IGF1R: variants seen among roughly 807,000 people sequenced by gnomAD.
IGF1R encodes insulin-like growth factor 1 receptor.
In IGF1R, 44 loss-of-function variants were observed where a neutral mutation model predicts 144.6. The observed-to-expected ratio is 0.30, with a 90% CI of 0.24 to 0.39. The LOEUF is 0.39. Ranked by LOEUF, IGF1R falls within the 10% of genes least tolerant of loss-of-function variation. IGF1R has a pLI of 1.00. For synonymous variants in IGF1R, 795 were observed against 722.8 expected, an observed-to-expected ratio of 1.10 and a Z score of -1.60; for missense variants, 1,355 against 1,833.7, an observed-to-expected ratio of 0.74 and a Z score of 4.77.
intron 2 of IGF1R, among the ~76,000 whole-genome samples, chr15:98,798,948 CTG>C (rs1278318667): frequency 6.6e-6 from 1 of 152,130 alleles, no homozygotes; most frequent in Admixed American, 6.5e-5. Context: ...AATGAAGAAA[CTG>C]AGGCACAGAG....
intron 3 of IGF1R, among the ~76,000 whole-genome samples, chr15:98,892,511 A>C (rs4966037): frequency 0.2 from 27,025 of 134,042 alleles, 3,410 homozygotes; most frequent in East Asian, 0.43. Flanking sequence ...TGGGAGACAG[A>C]GTCTCACTCT....
chr15:98,744,738 C>A (rs1326359585), intron 2 of IGF1R, among the ~76,000 whole-genome samples: 3 of 151,426 alleles, frequency 2.0e-5, no homozygotes, highest in Non-Finnish European at 2.9e-5. Context: ...GCCCCTTAAA[C>A]ATGACGGTAA....
intron 3 of IGF1R, among the ~76,000 whole-genome samples, chr15:98,893,745 T>C (rs564576168): frequency 3.3e-5 from 5 of 152,342 alleles, no homozygotes; most frequent in African/African-American, 1.2e-4. Flanking sequence ...CAGTGTTGTT[T>C]CTTCCGCTCT....
intron 4 of IGF1R, 71 bp downstream of exon 4, chr15:98,896,976 C>T: frequency 1.4e-6 from 2 of 1,481,330 alleles, no homozygotes; most frequent in Middle Eastern, 1.7e-4. Context: ...TTTCATGCTC[C>T]CGTCCCTGAG....
intron 2 of IGF1R, among the ~76,000 whole-genome samples, chr15:98,862,832 C>G (rs914706402): frequency 1.3e-5 from 2 of 152,184 alleles, no homozygotes; most frequent in Non-Finnish European, 2.9e-5. Flanking sequence ...TAATTTCAGA[C>G]TTGCATAAAG....
intron 2 of IGF1R, among the ~76,000 whole-genome samples, chr15:98,738,184 G>A (rs543295598): frequency 3.0e-4 from 45 of 152,288 alleles, no homozygotes; most frequent in African/African-American, 1.0e-3. Context: ...GGTAAAACAT[G>A]GTTTATTCTA....
rs2016650727 is a variant in IGF1R, at chr15:98,948,672, G to A, written c.3686G>A (p.Gly1229Asp). The A allele has an allele frequency of 6.2e-7, 1 of 1,614,126 alleles. No homozygotes were observed. The highest frequency in any genetic ancestry group is 8.5e-7 in the Non-Finnish European group (1 of 1,180,018). The change falls in exon 20 of 21, where the codon GGC (glycine) becomes GAC (aspartate). Residue 1229 changes from glycine (G) to aspartate (D), a missense_variant. Gly to Asp is a moderately conservative substitution (Grantham distance 94). Around this residue, in one of 7 missense-constraint regions of IGF1R, gnomAD observed 77 missense variants for 163.2 expected, o/e 0.47. Coordinates refer to ENST00000650285, the MANE Select transcript of IGF1R (RefSeq NM_000875.5). ...EQVLRFVMEG[G>D]LLDKPDNCPD... ...GTCCTTCGCTTCGTCATGGAGGGCG[G>A]CCTTCTGGACAAGCCAGACAACTGT... is the stretch of plus-strand genomic sequence containing the variant.
chr15:98,754,186 G>C (rs1044236222), intron 2 of IGF1R, among the ~76,000 whole-genome samples: 2 of 152,054 alleles, frequency 1.3e-5, no homozygotes. Flanking sequence ...TTTCCCTTTC[G>C]TTTTTCTTTT....
rs368831380 is a variant in IGF1R at position 98,707,512 on chromosome 15, A to C, written c.95-50A>C. 1.7e-5 allele frequency: 26 copies of C among 1,551,802 alleles called. No individual in the cohort carries two copies. In the South Asian group the frequency reaches 2.9e-4, roughly 18 times the overall value. ...TGTATTATTGTTTGGAAAATAGTTT[A>C]AAAATTATTTCCTTCTAACTGAGAC... is the stretch of plus-strand genomic sequence containing the variant. On this transcript the variant is annotated intron_variant, in intron 1 of 20. Transcript: ENST00000650285. The surrounding 1 kb of genome is among the most constrained non-coding windows in gnomAD (Gnocchi z 6.7).
In IGF1R at chr15:98,922,516, C is replaced by T. The variant is rs1206402011; in HGVS notation, c.2485+85C>T. 11 of 1,515,174 alleles carry T rather than the reference C, an allele frequency of 7.3e-6. No individual in the cohort carries two copies. The Admixed American group carries it at 1.0e-4, about 14-fold the overall frequency. 93.9% of individuals were successfully genotyped at this position (1,515,174 alleles called of 1,614,324 possible). ...TGTTTTATGGACACAGGGTCTGACA[C>T]CCAGGGCCATGACCCTTAGACCCAG... On this transcript the variant is annotated intron_variant, in intron 11 of 20. Transcript: ENST00000650285.
chr15:98,837,185 C>G (rs1463893526), intron 2 of IGF1R, among the ~76,000 whole-genome samples: 1 of 152,144 alleles, frequency 6.6e-6, no homozygotes, highest in Non-Finnish European at 1.5e-5. Flanking sequence ...CCTCCCATCT[C>G]AGTTTCCCAA....
At chr15:98,770,568 C>T (rs2055560246) in intron 2 of IGF1R, among the ~76,000 whole-genome samples, 2 of 152,042 alleles carry the variant, frequency 1.3e-5, no homozygotes, top group South Asian at 2.1e-4. Flanking sequence ...TCATATTAAC[C>T]CCATAAATAT....
intron 2 of IGF1R, among the ~76,000 whole-genome samples, chr15:98,830,985 A>G (rs1050368830): frequency 6.6e-6 from 1 of 152,142 alleles, no homozygotes; most frequent in African/African-American, 2.4e-5. Context: ...TATCATGGCA[A>G]GAAGAGAAAG....
At chr15:98,896,956 T>TGTTG in intron 4 of IGF1R, 51 bp downstream of exon 4, 1 of 1,582,166 alleles carries the variant, frequency 6.3e-7, no homozygotes, top group Non-Finnish European at 8.7e-7. Flanking sequence ...GGTTTTCTTT[T>TGTTG]GTTGATGCTT....
At chr15:98,943,520 T>G (rs2016441423) in intron 19 of IGF1R, among the ~76,000 whole-genome samples, 1 of 152,252 alleles carries the variant, frequency 6.6e-6, no homozygotes, top group Non-Finnish European at 1.5e-5. Context: ...ATCTGCTGTC[T>G]GTCTTTCAGT....
chr15:98,923,137 G>T (rs889753939), intron 11 of IGF1R, among the ~76,000 whole-genome samples: 8 of 152,224 alleles, frequency 5.3e-5, no homozygotes, highest in Non-Finnish European at 4.4e-5. Flanking sequence ...TCCTGGGAGA[G>T]ACATAGCCAG....
chr15:98,768,956 ACAAC>A (rs2055514130), intron 2 of IGF1R, among the ~76,000 whole-genome samples: 1 of 106,386 alleles, frequency 9.4e-6, no homozygotes, highest in African/African-American at 3.3e-5. Context: ...AACAACAACA[ACAAC>A]ACCTCACAAC....
chr15:98,769,687 AG>A (rs1321584235), intron 2 of IGF1R, among the ~76,000 whole-genome samples: 2 of 152,238 alleles, frequency 1.3e-5, no homozygotes, highest in African/African-American at 4.8e-5. Context: ...TAATTAGACC[AG>A]GATATGGAGG....
At position 98,877,093 on chromosome 15, in the gene IGF1R, G is replaced by A. The variant is rs1040944338; in HGVS notation, c.641-14232G>A. ...AGCTGGAAAGATAAGAAATAAACAA[G>A]TTTCAAGGTTACTGATCTGTAGCTG... On this transcript the variant is annotated intron_variant, in intron 2 of 20. Coordinates refer to ENST00000650285, the MANE Select transcript of IGF1R (RefSeq NM_000875.5). 1.3e-5 allele frequency among the ~76,000 whole-genome samples: 2 copies of A among 152,188 alleles called. 1 individual carries two copies. The highest frequency in any genetic ancestry group is 6.3e-3 in the Middle Eastern group (2 of 316).
Sources: gnomAD v4.1 joint callset for allele counts (sites outside exome capture counted in the v4.1 genomes callset) on GRCh38, gnomAD v4.1.1 for gene constraint, gnomAD v4.1.1 regional missense constraint, Gnocchi (gnomAD v3.1) non-coding constraint, MANE v1.5 for transcripts, NCBI Gene and HGNC (gene_info 2026-07-23, HGNC 2026-07-21) for gene names.